Variants in GSDMB observed in about 807,000 individuals in gnomAD.
The protein encoded by GSDMB is gasdermin B, also known as gasdermin-B.
GSDMB carries 32 observed loss-of-function variants against 42.9 expected under a neutral mutation model. The observed-to-expected ratio is 0.75, with a 90% confidence interval of 0.56 to 1.00. GSDMB has a LOEUF of 1.00. Ranked by LOEUF, GSDMB falls within the 50% of genes least tolerant of loss-of-function variation. GSDMB has a pLI of 0.00. For synonymous variants in GSDMB, 175 were observed against 193.7 expected, an observed-to-expected ratio of 0.90 and a Z score of 0.80; for missense variants, 468 against 498.5, an observed-to-expected ratio of 0.94 and a Z score of 0.58.
chr17:39,911,676 T>A (rs2063611646), intron 3 of GSDMB, among the ~76,000 whole-genome samples: 1 of 152,138 alleles, frequency 6.6e-6, no homozygotes, highest in South Asian at 2.1e-4. Context: ...TTGGGGTCAA[T>A]ACAGAGAGGT....
intron 4 of GSDMB, chr17:39,909,437 C>G (rs574724386): frequency 2.5e-6 from 1 of 394,572 alleles, no homozygotes; most frequent in Non-Finnish European, 4.6e-6. Context: ...TGGCTCACAC[C>G]TGTAATCCCA....
chr17:39,907,136 A>G, intron 6 of GSDMB, 149 bp from the exon 7 acceptor site: 1 of 1,482,488 alleles, frequency 6.7e-7, no homozygotes, highest in South Asian at 1.4e-5. Context: ...AGCGTGTGTC[A>G]ATGGGAAAGC....
intron 4 of GSDMB, 181 bp downstream of exon 4, chr17:39,909,575 G>A (rs1261130356): frequency 2.5e-5 from 15 of 597,458 alleles, no homozygotes; most frequent in Non-Finnish European, 3.3e-5. Context: ...AGAGGGCACC[G>A]CTAGAGAGTA....
At chr17:39,913,697 G>A (rs1037804760) in intron 2 of GSDMB, among the ~76,000 whole-genome samples, 8 of 152,184 alleles carry the variant, frequency 5.3e-5, no homozygotes, top group African/African-American at 1.7e-4. Context: ...TCACAAACAC[G>A]CATGGACTCG....
intron 2 of GSDMB, among the ~76,000 whole-genome samples, chr17:39,913,405 T>G (rs566269681): frequency 1.3e-5 from 2 of 152,050 alleles, no homozygotes; most frequent in African/African-American, 2.4e-5. Context: ...GGTAGATCAC[T>G]TGAGGTCAGG....
Position 39,906,221 on chromosome 17 carries a change from C to T in GSDMB, c.778G>A (p.Asp260Asn). ...DSRNMKEKLE[D>N]MESVLKDLTE... ...AGGTCCTTGAGGACACTCTCCATGTCCTCCAACTTCTCCTTCATGTTTCTG... is the reference window on the plus strand; with the variant it reads ...AGGTCCTTGAGGACACTCTCCATGTTCTCCAACTTCTCCTTCATGTTTCTG... Residue 260 changes from aspartate (D) to asparagine (N), a missense_variant, in exon 8 of 11, where the codon GAC becomes AAC. By Grantham distance (23) the Asp-to-Asn change is conservative. Coordinates refer to ENST00000418519, the MANE Select transcript of GSDMB (RefSeq NM_001165958.2). 3.7e-6 allele frequency: 6 copies of T among 1,614,108 alleles called. No individual in the cohort carries two copies. The highest frequency in any genetic ancestry group is 3.4e-6 in the Non-Finnish European group (4 of 1,179,986).
At chr17:39,915,082 C>T (rs1314247857) in intron 2 of GSDMB, among the ~76,000 whole-genome samples, 1 of 152,214 alleles carries the variant, frequency 6.6e-6, no homozygotes, top group Non-Finnish European at 1.5e-5. Flanking sequence ...AGTGATCCGC[C>T]CGCCTCAGCC....
intron 2 of GSDMB, among the ~76,000 whole-genome samples, chr17:39,914,621 G>C (rs1366002729): frequency 6.6e-6 from 1 of 151,864 alleles, no homozygotes; most frequent in African/African-American, 2.4e-5. Flanking sequence ...AAATTTGCCA[G>C]GTGTGGTGGC....
Position 39,906,179 on chromosome 17 carries a change from T to C in GSDMB, c.820A>G (p.Lys274Glu), listed in dbSNP as rs760911008. Residue 274 changes from lysine to glutamate, a missense_variant, in exon 8 of 11, where the codon AAA becomes GAA. Physicochemically the swap from Lys to Glu is moderately conservative, Grantham distance 56. Transcript: ENST00000418519. ...TTAGCGAGGGAGTTTAGCACATCTTTTCTCTTCTCCTCTGTCAGGTCCTTG... is the reference window on the plus strand; with the variant it reads ...TTAGCGAGGGAGTTTAGCACATCTTCTCTCTTCTCCTCTGTCAGGTCCTTG... ...VLKDLTEEKR[K>E]DVLNSLAKCL... is the part of the protein sequence containing the mutation. 6.2e-7 allele frequency: 1 copy of C among 1,614,158 alleles called. No homozygotes were observed. Among genetic ancestry groups the C allele is most frequent in the Non-Finnish European group, 8.5e-7 (1 of 1,179,986 alleles).
Position 39,911,216 on chromosome 17 carries a change from G to A in GSDMB, c.407+1110C>T, listed in dbSNP as rs371254513. Reference sequence around the variant, plus strand: ...CGGGCACCTGTAGTCCCAGCTCCTCGGGAGGTTGAGGCAGAAGAATCTCTT... The same window carrying A: ...CGGGCACCTGTAGTCCCAGCTCCTCAGGAGGTTGAGGCAGAAGAATCTCTT... On this transcript the variant is annotated intron_variant, in intron 3 of 10. Coordinates refer to ENST00000418519, the MANE Select transcript of GSDMB (RefSeq NM_001165958.2). Among the ~76,000 whole-genome samples, 28 of 150,842 alleles carry A rather than the reference G, an allele frequency of 1.9e-4. No homozygotes were observed. In the South Asian group the frequency reaches 5.5e-3, roughly 29 times the overall value.
chr17:39,905,741 A>G, intron 9 of GSDMB, 106 bp downstream of exon 9: 3 of 1,293,352 alleles, frequency 2.3e-6, no homozygotes, highest in South Asian at 1.4e-5. Context: ...TGCCCCCCAT[A>G]AACTGTGAAG....
intron 10 of GSDMB, 192 bp from the exon 11 acceptor site, chr17:39,905,156 G>A: frequency 3.2e-6 from 2 of 616,484 alleles, no homozygotes; most frequent in Admixed American, 2.9e-5. Context: ...CAGTCTGCAT[G>A]GGAACTCAAG....
At position 39,918,568 on chromosome 17, in the gene GSDMB, A is replaced by C. The variant is rs1031250463; in HGVS notation, c.-49T>G. 5.9e-5 allele frequency: 9 copies of C among 152,470 alleles called. No homozygotes were observed. Among genetic ancestry groups the C allele is most frequent in the Non-Finnish European group, 1.3e-4 (9 of 68,074 alleles). 9.4% of individuals were successfully genotyped at this position (152,470 alleles called of 1,614,324 possible). A position where few individuals can be genotyped will look rare whatever the true frequency, so the allele number is the denominator to read the frequency against. ...GACCTCAGCTGTTCACCAGAAATGG[A>C]AGTTGTGAGAATCCCCACAGATCTC... On this transcript the variant is annotated 5_prime_UTR_variant, in exon 1 of 11. Transcript: ENST00000418519.
chr17:39,908,309 A>C, intron 5 of GSDMB, 95 bp from the exon 6 acceptor site: 1 of 490,622 alleles, frequency 2.0e-6, no homozygotes, highest in Non-Finnish European at 3.6e-6. Context: ...CTCAATCCCT[A>C]TACCAGCCTC....
rs766391861 is a variant in GSDMB, at chr17:39,904,780, C to G, written c.*32G>C. The stretch of plus-strand genomic sequence containing the variant: ...AGGACAGACTGGTAAAGGGAAAACC[C>G]AGAGGCTTGTGGGGAGAAAGGGCTT... On this transcript the variant is annotated 3_prime_UTR_variant, in exon 11 of 11. Coordinates refer to ENST00000418519, the MANE Select transcript of GSDMB (RefSeq NM_001165958.2). 10 of 1,605,146 alleles carry G rather than the reference C, an allele frequency of 6.2e-6. No homozygotes were observed. In the African/African-American group the frequency reaches 1.3e-4, roughly 21 times the overall value.
chr17:39,908,825 C>T (rs564042836), intron 5 of GSDMB, 133 bp downstream of exon 5: 150 of 699,590 alleles, frequency 2.1e-4, no homozygotes, highest in Admixed American at 4.9e-4. Context: ...CCACCCTTTT[C>T]CCTGGACCCC....
intron 2 of GSDMB, among the ~76,000 whole-genome samples, chr17:39,914,948 T>C (rs1308308572): frequency 4.0e-5 from 6 of 151,074 alleles, no homozygotes; most frequent in African/African-American, 1.2e-4. Flanking sequence ...GCAATTCTCC[T>C]GCCTCAGCCT....
chr17:39,909,397 A>C, intron 4 of GSDMB: 1 of 371,884 alleles, frequency 2.7e-6, no homozygotes, highest in Non-Finnish European at 4.9e-6. Flanking sequence ...AACCATGGGA[A>C]ATGTACAAAG....
At chr17:39,910,056 C>A in intron 3 of GSDMB, 132 bp from the exon 4 acceptor site, 1 of 710,066 alleles carries the variant, frequency 1.4e-6, no homozygotes, top group Admixed American at 2.7e-5. Context: ...AGGAACACAG[C>A]ACCCCATCGC....
Sources: gnomAD v4.1 joint callset for allele counts (sites outside exome capture counted in the v4.1 genomes callset) on GRCh38, gnomAD v4.1.1 for gene constraint, MANE v1.5 for transcripts, NCBI Gene and HGNC (gene_info 2026-07-23, HGNC 2026-07-21) for gene names.